MBNL3: variants seen among roughly 807,000 people sequenced by gnomAD.
MBNL3 encodes muscleblind like splicing regulator 3.
A neutral mutation model predicts 24.5 loss-of-function variants in MBNL3; 6 were observed. The observed-to-expected ratio is 0.25, with a 90% CI of 0.13 to 0.48. The LOEUF (loss-of-function observed/expected upper bound fraction) is 0.48. Among genes scored for constraint, MBNL3 ranks in the 20% least tolerant of loss-of-function variants. The pLI, the probability that MBNL3 is intolerant of heterozygous loss-of-function variation, is 0.99. For synonymous variants in MBNL3, 100 were observed against 101.7 expected (o/e 0.98, Z 0.10); for missense variants, 230 against 293.5 (o/e 0.78, Z 1.58).
intron 1 of MBNL3, among the ~76,000 whole-genome samples, chrX:132,471,708 T>C (rs1212112152): frequency 8.9e-6 from 1 of 112,153 alleles, no homozygotes; most frequent in African/African-American, 3.2e-5. Context: ...TAAAAATAAA[T>C]AAAAATACAA....
chrX:132,387,255 G>A (rs952347827), intron 5 of MBNL3, among the ~76,000 whole-genome samples: 15 of 80,965 alleles, frequency 1.9e-4, no homozygotes, highest in African/African-American at 7.1e-4. Flanking sequence ...CTGAGTGACA[G>A]AGCAAGAGCC....
chrX:132,434,512 T>C (rs1016229992), intron 2 of MBNL3, among the ~76,000 whole-genome samples: 4 of 112,154 alleles, frequency 3.6e-5, no homozygotes, highest in Non-Finnish European at 7.5e-5. Flanking sequence ...AGAAATCCAG[T>C]AGATGCCACT....
At chrX:132,446,328 G>A (rs1004006199) in intron 1 of MBNL3, among the ~76,000 whole-genome samples, 1 of 111,731 alleles carries the variant, frequency 9.0e-6, no homozygotes, top group Non-Finnish European at 1.9e-5. Flanking sequence ...GGATTGCTGG[G>A]TCAAATGGTA....
chrX:132,396,205 T>G (rs1347880082), intron 3 of MBNL3, among the ~76,000 whole-genome samples: 2 of 106,022 alleles, frequency 1.9e-5, no homozygotes, highest in Admixed American at 2.1e-4. Flanking sequence ...ATCTTGAACC[T>G]CACAGCCTAA....
chrX:132,487,695 A>G (rs1331629893), intron 1 of MBNL3, among the ~76,000 whole-genome samples: 5 of 112,137 alleles, frequency 4.5e-5, no homozygotes, highest in African/African-American at 6.5e-5. Flanking sequence ...CATCCCCCAA[A>G]AGTATCGCAC....
At chrX:132,387,970 T>G (rs1014384156) in intron 5 of MBNL3, among the ~76,000 whole-genome samples, 27 of 111,696 alleles carry the variant, frequency 2.4e-4, no homozygotes, top group African/African-American at 8.4e-4. Flanking sequence ...TTTACATTTT[T>G]TTTTTCTCAG....
intron 3 of MBNL3, among the ~76,000 whole-genome samples, chrX:132,398,062 C>T (rs1940147760): frequency 1.8e-5 from 2 of 111,508 alleles, no homozygotes; most frequent in South Asian, 7.5e-4. Context: ...CAAAAGTGAA[C>T]CATTGTCCTC....
intron 1 of MBNL3, among the ~76,000 whole-genome samples, chrX:132,477,975 A>G (rs1947529159): frequency 1.8e-5 from 2 of 111,937 alleles, no homozygotes; most frequent in African/African-American, 6.5e-5. Flanking sequence ...CAGCATAAAC[A>G]TTTATATTTA....
At chrX:132,441,674 C>G (rs746761828) in intron 1 of MBNL3, among the ~76,000 whole-genome samples, 1 of 112,045 alleles carries the variant, frequency 8.9e-6, no homozygotes, top group Non-Finnish European at 1.9e-5. Flanking sequence ...CCTCATACAT[C>G]GTGGCTGGGA....
chrX:132,471,549 GGT>G (rs1449886146), intron 1 of MBNL3, among the ~76,000 whole-genome samples: 1 of 112,533 alleles, frequency 8.9e-6, no homozygotes, highest in Non-Finnish European at 1.9e-5. Context: ...AGCCAAGCGT[GGT>G]GGCACATGCC....
rs1272666016 is a variant in MBNL3, at chrX:132,396,618, A to C, written c.343-4284T>G. 5.9e-5 allele frequency among the ~76,000 whole-genome samples: 3 copies of C among 50,560 alleles called. 1 individual carries two copies. Among genetic ancestry groups the C allele is most frequent in the African/African-American group, 3.0e-4 (3 of 10,040 alleles). The allele number at this position is 50,560 out of a possible 115,157, so 43.9% of individuals were successfully genotyped here. A position where few individuals can be genotyped will look rare whatever the true frequency, so the allele number is the denominator to read the frequency against. On this transcript the variant is annotated intron_variant, in intron 3 of 8. Coordinates refer to ENST00000370853, the MANE Select transcript of MBNL3 (RefSeq NM_001386889.1). Reference sequence around the variant, plus strand: ...TATATATATTCCTATATATATTCATATATATATTCATATATATTCACATAT... The same window carrying C: ...TATATATATTCCTATATATATTCATCTATATATTCATATATATTCACATAT...
At chrX:132,462,993 C>CA (rs897773881) in intron 1 of MBNL3, among the ~76,000 whole-genome samples, 79 of 111,228 alleles carry the variant, frequency 7.1e-4, no homozygotes, top group African/African-American at 2.3e-3. Flanking sequence ...TTTTAATAAA[C>CA]AAAAAAATTT....
At chrX:132,461,929 A>C (rs916818988) in intron 1 of MBNL3, among the ~76,000 whole-genome samples, 1 of 112,140 alleles carries the variant, frequency 8.9e-6, no homozygotes, top group African/African-American at 3.2e-5. Context: ...GAAGTTGAGT[A>C]GTTCAATCAT....
Position 132,391,030 on chromosome X carries a change from G to A in MBNL3, c.588C>T (p.Arg196=). The stretch of plus-strand genomic sequence containing the variant: ...TGGAAGCATCAGTAGGGTGAGCATA[G>A]CGGCAATCATTCTCCCCACGGGTAC... ...GNCTRGENDC[R]YAHPTDASMI... The change falls in exon 5 of 9, where the codon CGC becomes CGT. Residue 196 remains arginine, a synonymous_variant. Transcript: ENST00000370853. The A allele has an allele frequency of 8.3e-7, 1 of 1,211,566 alleles. No homozygotes were observed. Among genetic ancestry groups the A allele is most frequent in the Non-Finnish European group, 1.1e-6 (1 of 895,399 alleles).
At chrX:132,443,013 G>A (rs1247028830) in intron 1 of MBNL3, among the ~76,000 whole-genome samples, 1 of 111,851 alleles carries the variant, frequency 8.9e-6, no homozygotes, top group African/African-American at 3.2e-5. Flanking sequence ...TTTTGTTTTG[G>A]GGATAATACA....
chrX:132,394,725 C>G (rs1362114231), intron 3 of MBNL3, among the ~76,000 whole-genome samples: 2 of 112,324 alleles, frequency 1.8e-5, no homozygotes, highest in Non-Finnish European at 3.8e-5. Context: ...TATTTGAAAG[C>G]AATGCTTTCT....
At chrX:132,407,527 C>T (rs1942017338) in intron 2 of MBNL3, among the ~76,000 whole-genome samples, 2 of 112,002 alleles carry the variant, frequency 1.8e-5, no homozygotes, top group African/African-American at 6.5e-5. Flanking sequence ...CTATGCAAAC[C>T]TTGGAGAAAG....
intron 1 of MBNL3, among the ~76,000 whole-genome samples, chrX:132,473,862 T>C (rs918231250): frequency 9.0e-5 from 10 of 111,654 alleles, no homozygotes; most frequent in African/African-American, 3.3e-4. Flanking sequence ...TTTTTCAATG[T>C]ATTTGCATTG....
At chrX:132,426,751 G>A (rs146171842) in intron 2 of MBNL3, among the ~76,000 whole-genome samples, 2,551 of 111,639 alleles carry the variant, frequency 0.023, 33 homozygotes, top group Non-Finnish European at 0.035. Context: ...GTTTGTATCT[G>A]GCTTATGGCA....
Sources: gnomAD v4.1 joint callset for allele counts (sites outside exome capture counted in the v4.1 genomes callset) on GRCh38, gnomAD v4.1.1 for gene constraint, MANE v1.5 for transcripts, NCBI Gene and HGNC (gene_info 2026-07-23, HGNC 2026-07-21) for gene names.